The following NREP variants were observed in gnomAD, a reference collection of about 807,000 sequenced individuals.
NREP encodes the protein neuronal regeneration related protein, also known as neuronal regeneration-related protein.
Under a neutral mutation model 8.6 loss-of-function variants are expected in NREP, and 5 were observed. That is an observed-to-expected ratio of 0.58 (90% CI 0.30 to 1.22). The LOEUF (loss-of-function observed/expected upper bound fraction) is 1.22, where lower values mean the gene tolerates loss of function less well. NREP is among the 50% of genes most tolerant of loss of function. NREP has a pLI of 0.07. For missense variants in NREP, 86 were observed against 82.5 expected, an observed-to-expected ratio of 1.04 and a Z score of -0.17; for synonymous variants, 27 against 28.0, an observed-to-expected ratio of 0.96 and a Z score of 0.11.
At chr5:111,902,427 A>G in intron 2 of NREP, among the ~76,000 whole-genome samples, 1 of 152,226 alleles carries the variant, frequency 6.6e-6, no homozygotes, top group East Asian at 1.9e-4. Context: ...TTATGCAAGT[A>G]GAATCAAGAT....
chr5:111,974,352 GC>G (rs1400579530), intron 2 of NREP: 4 of 152,100 alleles, frequency 2.6e-5, no homozygotes, highest in Admixed American at 1.3e-4. Context: ...ACAGGGTAAA[GC>G]TCAAAAGACA....
intron 2 of NREP, among the ~76,000 whole-genome samples, chr5:111,794,275 C>G (rs1751825295): frequency 1.3e-5 from 2 of 152,260 alleles, no homozygotes; most frequent in South Asian, 2.1e-4. Flanking sequence ...TCTTACAAAA[C>G]TAAACATACT....
At chr5:111,922,002 T>C (rs1755253081) in intron 2 of NREP, among the ~76,000 whole-genome samples, 1 of 152,176 alleles carries the variant, frequency 6.6e-6, no homozygotes, top group African/African-American at 2.4e-5. Context: ...GTAAGTCCAA[T>C]TAAACCGCTT....
intron 2 of NREP, among the ~76,000 whole-genome samples, chr5:111,824,628 G>A (rs1752580632): frequency 6.6e-6 from 1 of 152,052 alleles, no homozygotes; most frequent in South Asian, 2.1e-4. Flanking sequence ...AAATTGGTAA[G>A]GCAATAATCC....
intron 2 of NREP, among the ~76,000 whole-genome samples, chr5:111,928,104 C>A (rs559782316): frequency 3.9e-5 from 6 of 152,124 alleles, no homozygotes; most frequent in South Asian, 2.1e-4. Flanking sequence ...TGGCCCACAC[C>A]TGCTCCCCGC....
At chr5:111,771,541 T>C (rs563633130) in intron 2 of NREP, among the ~76,000 whole-genome samples, 1 of 152,084 alleles carries the variant, frequency 6.6e-6, no homozygotes, top group Admixed American at 6.6e-5. Context: ...GGGGGGCGGA[T>C]AGCCTGAGGT....
chr5:111,783,602 C>T (rs1013233708), intron 2 of NREP, among the ~76,000 whole-genome samples: 1 of 152,156 alleles, frequency 6.6e-6, no homozygotes, highest in Non-Finnish European at 1.5e-5. Context: ...ATTGATGTCC[C>T]TTCTCCATCT....
chr5:111,866,950 A>C (rs1208679416), intron 2 of NREP, among the ~76,000 whole-genome samples: 3 of 151,346 alleles, frequency 2.0e-5, no homozygotes, highest in Non-Finnish European at 2.9e-5. Flanking sequence ...AACAATGAGA[A>C]CACATGGACA....
chr5:111,785,787 G>T (rs995423129), intron 2 of NREP, among the ~76,000 whole-genome samples: 4 of 152,104 alleles, frequency 2.6e-5, no homozygotes, highest in Admixed American at 2.0e-4. Flanking sequence ...AATAAAAATG[G>T]CATGGAGGAA....
intron 2 of NREP, among the ~76,000 whole-genome samples, chr5:111,918,362 A>G (rs766620710): frequency 6.6e-6 from 1 of 152,214 alleles, no homozygotes; most frequent in Non-Finnish European, 1.5e-5. Flanking sequence ...ACTACTTTAA[A>G]TTTTATATGA....
chr5:111,924,411 A>C (rs1755327154), intron 2 of NREP, among the ~76,000 whole-genome samples: 1 of 151,894 alleles, frequency 6.6e-6, no homozygotes, highest in South Asian at 2.1e-4. Flanking sequence ...GGCCAGAGAG[A>C]TCTTGGAAGG....
intron 2 of NREP, among the ~76,000 whole-genome samples, chr5:111,736,596 C>A (rs929490151): frequency 3.9e-5 from 6 of 152,018 alleles, no homozygotes; most frequent in Non-Finnish European, 7.4e-5. Context: ...CTTGGTATAC[C>A]CCGATCAATC....
In NREP at chr5:111,884,916, C is replaced by A. The variant is rs138302595; in HGVS notation, c.135+90358G>T. ...AGCATTCCCTTTGAAAACTGGCACA[C>A]GACAGGGATGCCCTCCCTTGCCACT... On this transcript the variant is annotated intron_variant, in intron 2 of 3. Coordinates refer to the NREP transcript ENST00000395634. 5.5e-3 allele frequency among the ~76,000 whole-genome samples: 832 copies of A among 152,188 alleles called. 7 individuals are homozygous for A. The highest frequency in any genetic ancestry group is 0.011 in the Admixed American group (173 of 15,266).
At chr5:111,741,651 C>T (rs993613408) in intron 2 of NREP, among the ~76,000 whole-genome samples, 1 of 152,136 alleles carries the variant, frequency 6.6e-6, no homozygotes, top group Admixed American at 6.5e-5. Context: ...GGGGAAAACA[C>T]GTTGCCACTG....
intron 2 of NREP, among the ~76,000 whole-genome samples, chr5:111,816,691 T>A: frequency 6.8e-6 from 1 of 146,006 alleles, no homozygotes; most frequent in Non-Finnish European, 1.5e-5. Flanking sequence ...GATAAAATGA[T>A]AAAAATAATT....
At chr5:111,753,374 G>GAT (rs1342237009) in intron 2 of NREP, among the ~76,000 whole-genome samples, 2 of 145,954 alleles carry the variant, frequency 1.4e-5, no homozygotes, top group Non-Finnish European at 3.0e-5. Context: ...ATGATATGTA[G>GAT]ATATATATAG....
At chr5:111,877,701 T>A (rs936716762) in intron 2 of NREP, among the ~76,000 whole-genome samples, 4 of 152,224 alleles carry the variant, frequency 2.6e-5, no homozygotes, top group Non-Finnish European at 4.4e-5. Flanking sequence ...TTCCTAAGCT[T>A]TGTTCCATTT....
chr5:111,964,817 G>A (rs1189170971), intron 2 of NREP, among the ~76,000 whole-genome samples: 2 of 128,250 alleles, frequency 1.6e-5, no homozygotes, highest in Non-Finnish European at 3.1e-5. Context: ...TCTAGGTTGT[G>A]GAAGGTGCAC....
chr5:111,768,656 G>A (rs1478646183), intron 2 of NREP, among the ~76,000 whole-genome samples: 3 of 152,264 alleles, frequency 2.0e-5, no homozygotes, highest in Non-Finnish European at 4.4e-5. Context: ...TTAGGATAAT[G>A]GCCTCCAGCT....
Sources: gnomAD v4.1 joint callset for allele counts (sites outside exome capture counted in the v4.1 genomes callset) on GRCh38, gnomAD v4.1.1 for gene constraint, MANE v1.5 for transcripts, NCBI Gene and HGNC (gene_info 2026-07-23, HGNC 2026-07-21) for gene names.